PLEKHD1: variants seen among roughly 807,000 people sequenced by gnomAD.
PLEKHD1 encodes the protein pleckstrin homology and coiled-coil domain containing D1, also known as pleckstrin homology domain-containing family D member 1.
Under a neutral mutation model 69.2 loss-of-function variants are expected in PLEKHD1, and 51 were observed. The ratio of observed to expected loss-of-function variants is 0.74; its 90% CI spans 0.59 to 0.93. PLEKHD1 has a LOEUF of 0.93. Ranked by LOEUF, PLEKHD1 falls within the 40% of genes least tolerant of loss-of-function variation. The pLI is 0.00. For missense variants in PLEKHD1, 584 were observed against 641.0 expected (o/e 0.91, Z 0.96); for synonymous variants, 236 against 244.7 (o/e 0.96, Z 0.33).
At chr14:69,498,390 AAAAAG>A (rs1162049331) in intron 1 of PLEKHD1, among the ~76,000 whole-genome samples, 1 of 151,312 alleles carries the variant, frequency 6.6e-6, no homozygotes, top group Non-Finnish European at 1.5e-5. Flanking sequence ...TCTATTTTTG[AAAAAG>A]AAAAGAAAAT....
At chr14:69,494,963 C>T (rs1294520979) in intron 1 of PLEKHD1, among the ~76,000 whole-genome samples, 2 of 152,180 alleles carry the variant, frequency 1.3e-5, no homozygotes, top group African/African-American at 4.8e-5. Context: ...GGCCATCGTC[C>T]TCCTCCTCCA....
chr14:69,480,692 T>C (rs1267059312), upstream of PLEKHD1, among the ~76,000 whole-genome samples: 1 of 152,046 alleles, frequency 6.6e-6, no homozygotes, highest in Non-Finnish European at 1.5e-5. Context: ...TGCTCTTGTC[T>C]CCCAGGCTGG....
chr14:69,516,714 G>A (rs1188193854), intron 6 of PLEKHD1, among the ~76,000 whole-genome samples: 1 of 152,096 alleles, frequency 6.6e-6, no homozygotes, highest in African/African-American at 2.4e-5. Context: ...CTATCACCCA[G>A]GCTGGAGTGC....
intron 4 of PLEKHD1, 33 bp downstream of exon 4, chr14:69,500,980 G>T (rs1883012426): frequency 1.9e-6 from 3 of 1,547,848 alleles, no homozygotes; most frequent in East Asian, 4.9e-5. Context: ...GCAGCCTGCA[G>T]ATCCAGGATG....
the PLEKHD1 span, among the ~76,000 whole-genome samples, chr14:69,477,227 G>A: frequency 6.6e-6 from 1 of 152,056 alleles, no homozygotes; most frequent in South Asian, 2.1e-4. Flanking sequence ...TGGTCAGGCT[G>A]GCCCTTTTTA....
chr14:69,527,759 C>A, intron 11 of PLEKHD1, 24 bp from the exon 12 acceptor site: 1 of 1,551,146 alleles, frequency 6.4e-7, no homozygotes, highest in Non-Finnish European at 8.7e-7. Context: ...CGGAACCCCA[C>A]CCTTCCTGGC....
rs963738669 is a variant in PLEKHD1 at position 69,529,806 on chromosome 14, C to T, written c.*1387C>T. The T allele has an allele frequency of 1.3e-5, 2 of 152,228 alleles. No homozygotes were observed. The highest frequency in any genetic ancestry group is 2.9e-5 in the Non-Finnish European group (2 of 68,046). The allele number at this position is 152,228 out of a possible 1,614,324, so 9.4% of individuals were successfully genotyped here. A position where few individuals can be genotyped will look rare whatever the true frequency, so the allele number is the denominator to read the frequency against. ...GATGAGGCCAGTAGTCATTGGTTGG[C>T]TCAGTGTCATTGGGAGTGAAGCTGA... On this transcript the variant is annotated 3_prime_UTR_variant, in exon 13 of 13. Transcript: ENST00000322564.
At chr14:69,479,852 C>T (rs981905358), upstream of PLEKHD1, among the ~76,000 whole-genome samples, 1 of 151,982 alleles carries the variant, frequency 6.6e-6, no homozygotes, top group African/African-American at 2.4e-5. Context: ...ACGTTCCCAA[C>T]CCCCCCGCCA....
intron 1 of PLEKHD1, among the ~76,000 whole-genome samples, chr14:69,495,865 A>G (rs1402973395): frequency 1.3e-5 from 2 of 152,192 alleles, no homozygotes; most frequent in East Asian, 3.9e-4. Flanking sequence ...CCTCCATAGC[A>G]TATGTCAGCA....
At position 69,514,743 on chromosome 14, in the gene PLEKHD1, C is replaced by T. The variant is rs369226434; in HGVS notation, c.556-7540C>T. ...GTGGTCTTAGCCTTTTGGTGAGTTG[C>T]GCCCCTGGACTGTGAACTTCATAAA... is the stretch of plus-strand genomic sequence containing the variant. On this transcript the variant is annotated intron_variant, in intron 6 of 12. Coordinates refer to ENST00000322564, the MANE Select transcript of PLEKHD1 (RefSeq NM_001161498.2). 2.0e-5 allele frequency among the ~76,000 whole-genome samples: 3 copies of T among 151,952 alleles called. No individual in the cohort carries two copies. The South Asian group carries it at 6.2e-4, about 31-fold the overall frequency.
intron 6 of PLEKHD1, among the ~76,000 whole-genome samples, 159 bp from the exon 7 acceptor site, chr14:69,522,124 G>A (rs1227759314): frequency 1.3e-5 from 2 of 152,192 alleles, no homozygotes; most frequent in African/African-American, 4.8e-5. Flanking sequence ...ATATCAATGA[G>A]TGGGGCCAGC....
At chr14:69,495,577 G>A (rs1275494038) in intron 1 of PLEKHD1, among the ~76,000 whole-genome samples, 1 of 152,168 alleles carries the variant, frequency 6.6e-6, no homozygotes, top group African/African-American at 2.4e-5. Context: ...TTGGAATGAG[G>A]TGTGGTATGT....
At chr14:69,469,658 G>A in the PLEKHD1 span, among the ~76,000 whole-genome samples, 4 of 151,892 alleles carry the variant, frequency 2.6e-5, no homozygotes, top group Non-Finnish European at 5.9e-5. Context: ...CAATTCTCCC[G>A]CCTCACCCTC....
chr14:69,497,872 G>A (rs1018572270), intron 1 of PLEKHD1, among the ~76,000 whole-genome samples: 6 of 152,070 alleles, frequency 3.9e-5, no homozygotes, highest in South Asian at 2.1e-4. Flanking sequence ...TTATGTGGCC[G>A]GTCAGAGAGG....
chr14:69,505,550 G>T (rs1016597218), intron 6 of PLEKHD1, among the ~76,000 whole-genome samples: 4 of 152,200 alleles, frequency 2.6e-5, no homozygotes, highest in African/African-American at 9.7e-5. Flanking sequence ...CTGGATTGGA[G>T]TCTTAACTCT....
Position 69,501,807 on chromosome 14 carries a change from GA to G in PLEKHD1, c.488del (p.Lys163SerfsTer5). On this transcript the variant is annotated frameshift_variant, in exon 5 of 13. Coordinates refer to ENST00000322564, the MANE Select transcript of PLEKHD1 (RefSeq NM_001161498.2). LOFTEE classifies it high-confidence loss of function. The stretch of plus-strand genomic sequence containing the variant: ...GGCCCAGGGGCTGCAGTTGGCTAAG[GA>G]AAAGCAGGAGTATTTAGGTTGGCTG... ...LEAQGLQLAKEKQEYLDKLME... is the reference protein window; with the variant it reads ...LEAQGLQLAKXKQEYLDKLME... 1 of 1,551,288 alleles carries G rather than the reference GA, an allele frequency of 6.4e-7. No homozygotes were observed. The highest frequency in any genetic ancestry group is 8.7e-7 in the Non-Finnish European group (1 of 1,146,720).
At chr14:69,507,866 A>C (rs1883186341) in intron 6 of PLEKHD1, among the ~76,000 whole-genome samples, 1 of 151,988 alleles carries the variant, frequency 6.6e-6, no homozygotes, top group Non-Finnish European at 1.5e-5. Flanking sequence ...ACTCCAGCAC[A>C]CTTGGCTAAT....
chr14:69,484,981 T>G lies in PLEKHD1; in HGVS notation c.16T>G (p.Ser6Ala), dbSNP rs776303675. Residue 6 changes from serine (S) to alanine (A), a missense_variant, in exon 1 of 13, where the codon TCC becomes GCC. Transcript: ENST00000322564. MFTSKSNSVSPSPSLE... is the reference protein window; with the variant it reads MFTSKANSVSPSPSLE... ...CTGAGGCAGGATGTTCACGTCCAAG[T>G]CCAACTCGGTGTCGCCCTCGCCGTC... 1 of 1,550,966 alleles carries G rather than the reference T, an allele frequency of 6.4e-7. No individual in the cohort carries two copies. The highest frequency in any genetic ancestry group is 1.4e-5 in the African/African-American group (1 of 73,050).
chr14:69,496,402 G>A (rs966072074), intron 1 of PLEKHD1, among the ~76,000 whole-genome samples: 4 of 152,230 alleles, frequency 2.6e-5, no homozygotes, highest in Non-Finnish European at 4.4e-5. Context: ...CAGGCTGAGA[G>A]TCTGAGATCA....
Sources: allele counts gnomAD v4.1 joint callset (sites outside exome capture counted in the v4.1 genomes callset), GRCh38; gene constraint gnomAD v4.1.1; transcripts MANE v1.5; gene names NCBI Gene and HGNC (gene_info 2026-07-23, HGNC 2026-07-21).